The following TTC7B variants were observed in gnomAD, a reference collection of about 807,000 sequenced individuals.
TTC7B encodes the protein tetratricopeptide repeat protein 7B.
A neutral mutation model predicts 106.8 loss-of-function variants in TTC7B; 28 were observed. The ratio of observed to expected loss-of-function variants is 0.26; its 90% CI spans 0.19 to 0.36. The LOEUF (loss-of-function observed/expected upper bound fraction) is 0.36, where lower values mean the gene tolerates loss of function less well. Among genes scored for constraint, TTC7B ranks in the 10% least tolerant of loss-of-function variants. The pLI, the probability that TTC7B is intolerant of heterozygous loss-of-function variation, is 1.00. For missense variants in TTC7B, 862 were observed against 1,076.4 expected, an observed-to-expected ratio of 0.80 and a Z score of 2.79; for synonymous variants, 405 against 430.6, an observed-to-expected ratio of 0.94 and a Z score of 0.74.
At chr14:90,620,220 A>T (rs1383801483) in intron 15 of TTC7B, among the ~76,000 whole-genome samples, 4 of 152,062 alleles carry the variant, frequency 2.6e-5, no homozygotes, top group Non-Finnish European at 5.9e-5. Context: ...TCTGATCTAC[A>T]AGCAGATGAG....
At chr14:90,565,028 G>A (rs552644703) in intron 19 of TTC7B, among the ~76,000 whole-genome samples, 160 of 152,358 alleles carry the variant, frequency 1.1e-3, no homozygotes, top group Non-Finnish European at 1.8e-3. Context: ...GCACTTTTAT[G>A]TTATGAGACA....
Position 90,525,206 on chromosome 14 carries a change from GTTC to G in TTC7B, c.*16159_*16161del, listed in dbSNP as rs1416810029. On this transcript the variant is annotated 3_prime_UTR_variant, in exon 20 of 20. Coordinates refer to ENST00000328459, the MANE Select transcript of TTC7B (RefSeq NM_001010854.2). ...TTCTATAAATGGAATCACACAGCAC[GTTC>G]TTTTTTGACTGGCTCCTTCAACTCG... The G allele has an allele frequency of 6.6e-6, 1 of 151,886 alleles. No individual in the cohort carries two copies. The highest frequency in any genetic ancestry group is 2.4e-5 in the African/African-American group (1 of 41,280). The allele number at this position is 151,886 out of a possible 1,614,324, so 9.4% of individuals were successfully genotyped here.
At chr14:90,816,049 GC>G (rs1338102274) in intron 1 of TTC7B, 125 bp downstream of exon 1, 1 of 963,776 alleles carries the variant, frequency 1.0e-6, no homozygotes, top group Non-Finnish European at 1.2e-6. Context: ...CATCCCCTGG[GC>G]CGCAGCTCCC....
At position 90,531,906 on chromosome 14, in the gene TTC7B, G is replaced by T. The variant is rs1235484008; in HGVS notation, c.*9462C>A. Reference sequence around the variant, plus strand: ...TTTTAAAAACTGCTACATAGGCCAGGCACACTGACTCACACCTGTTATCCC... The same window carrying T: ...TTTTAAAAACTGCTACATAGGCCAGTCACACTGACTCACACCTGTTATCCC... On this transcript the variant is annotated 3_prime_UTR_variant, in exon 20 of 20. Coordinates refer to ENST00000328459, the MANE Select transcript of TTC7B (RefSeq NM_001010854.2). 1 of 152,218 alleles carries T rather than the reference G, an allele frequency of 6.6e-6. No individual in the cohort carries two copies. Among genetic ancestry groups the T allele is most frequent in the Non-Finnish European group, 1.5e-5 (1 of 68,060 alleles). 9.4% of individuals were successfully genotyped at this position (152,218 alleles called of 1,614,324 possible).
chr14:90,771,579 G>A (rs781243979), intron 3 of TTC7B, among the ~76,000 whole-genome samples: 11 of 151,886 alleles, frequency 7.2e-5, no homozygotes, highest in South Asian at 4.1e-4. Flanking sequence ...CAACCTGGGC[G>A]ACAAAGCAAG....
intron 19 of TTC7B, among the ~76,000 whole-genome samples, chr14:90,556,143 G>A (rs1890294512): frequency 6.6e-6 from 1 of 152,250 alleles, no homozygotes; most frequent in Non-Finnish European, 1.5e-5. Flanking sequence ...AGAAAGGAAG[G>A]ACAGGTCCAC....
At position 90,759,328 on chromosome 14, in the gene TTC7B, C is replaced by T. The variant is rs961450683; in HGVS notation, c.446-14406G>A. ...ATGAACACCAGACATGGTTTGGAAACGATGGAAGCCAAGGGATGGGTGGTG... is the reference window on the plus strand; with the variant it reads ...ATGAACACCAGACATGGTTTGGAAATGATGGAAGCCAAGGGATGGGTGGTG... On this transcript the variant is annotated intron_variant, in intron 3 of 19. Transcript: ENST00000328459. The surrounding 1 kb of genome is among the most constrained non-coding windows in gnomAD (Gnocchi z 4.1). 3.9e-5 allele frequency among the ~76,000 whole-genome samples: 6 copies of T among 151,932 alleles called. No homozygotes were observed. Among genetic ancestry groups the T allele is most frequent in the Admixed American group, 2.6e-4 (4 of 15,246 alleles).
chr14:90,671,194 G>A (rs766244227), intron 9 of TTC7B, among the ~76,000 whole-genome samples: 1 of 152,166 alleles, frequency 6.6e-6, no homozygotes, highest in Non-Finnish European at 1.5e-5. Flanking sequence ...GCAAGCAGAC[G>A]TTGTTAGATG....
intron 9 of TTC7B, among the ~76,000 whole-genome samples, chr14:90,659,573 G>C (rs1886101516): frequency 6.6e-6 from 1 of 152,132 alleles, no homozygotes; most frequent in South Asian, 2.1e-4. Context: ...AGGGATCTGG[G>C]TGGGAGGGCA....
At chr14:90,720,001 CATT>C (rs1471891736) in intron 5 of TTC7B, among the ~76,000 whole-genome samples, 2 of 151,042 alleles carry the variant, frequency 1.3e-5, no homozygotes, top group East Asian at 3.9e-4. Flanking sequence ...TTTCTTGAAA[CATT>C]ATGAGATTTA....
intron 17 of TTC7B, among the ~76,000 whole-genome samples, chr14:90,601,849 T>G (rs1892437864): frequency 6.6e-6 from 1 of 152,172 alleles, no homozygotes; most frequent in African/African-American, 2.4e-5. Context: ...ATAGAATAAC[T>G]ATGGAATTTA....
intron 9 of TTC7B, among the ~76,000 whole-genome samples, chr14:90,671,771 G>A (rs773866593): frequency 6.6e-6 from 1 of 152,220 alleles, no homozygotes; most frequent in Non-Finnish European, 1.5e-5. Context: ...TTTGTACAAT[G>A]CTCTTTGGCC....
chr14:90,581,309 C>G (rs1311136602), intron 18 of TTC7B, among the ~76,000 whole-genome samples: 2 of 152,202 alleles, frequency 1.3e-5, no homozygotes, highest in Non-Finnish European at 2.9e-5. Context: ...TCCTGAACTT[C>G]TATACTCACA....
chr14:90,643,238 C>T (rs1885262139), intron 15 of TTC7B, among the ~76,000 whole-genome samples: 1 of 151,940 alleles, frequency 6.6e-6, no homozygotes, highest in Admixed American at 6.6e-5. Flanking sequence ...GAAACCCCGT[C>T]TCTACTAAAA....
At position 90,528,920 on chromosome 14, in the gene TTC7B, A is replaced by G. The variant is rs1889213951; in HGVS notation, c.*12448T>C. On this transcript the variant is annotated 3_prime_UTR_variant, in exon 20 of 20. Coordinates refer to ENST00000328459, the MANE Select transcript of TTC7B (RefSeq NM_001010854.2). ...TACCTGTTTCTGGTGGTGTGACCCA[A>G]CTGTGATTTGTTACCTGTTTCTGAT... The G allele has an allele frequency of 6.5e-6, 1 of 152,708 alleles. No homozygotes were observed. The highest frequency in any genetic ancestry group is 1.4e-5 in the Non-Finnish European group (1 of 69,438). The allele number at this position is 152,708 out of a possible 1,614,324, so 9.5% of individuals were successfully genotyped here.
chr14:90,792,327 A>G (rs1266809802), intron 1 of TTC7B, among the ~76,000 whole-genome samples: 1 of 152,180 alleles, frequency 6.6e-6, no homozygotes, highest in African/African-American at 2.4e-5. Flanking sequence ...CTGTAATCTC[A>G]GCACTTTGGG....
intron 16 of TTC7B, among the ~76,000 whole-genome samples, chr14:90,611,658 T>C (rs1303032079): frequency 6.6e-6 from 1 of 152,116 alleles, no homozygotes; most frequent in Non-Finnish European, 1.5e-5. Flanking sequence ...ACTGCCCATC[T>C]CTACTGAGTC....
intron 18 of TTC7B, among the ~76,000 whole-genome samples, chr14:90,591,934 G>A (rs182632872): frequency 8.5e-5 from 13 of 152,208 alleles, no homozygotes; most frequent in East Asian, 1.9e-4. Context: ...AATGCTGCAG[G>A]CGTCTGCAGC....
At chr14:90,696,841 A>T (rs1181611730) in intron 5 of TTC7B, among the ~76,000 whole-genome samples, 10 of 152,234 alleles carry the variant, frequency 6.6e-5, no homozygotes, top group Admixed American at 5.9e-4. Context: ...GAAACCTAAC[A>T]GAGACGTGAA....
Sources: gnomAD v4.1 joint callset for allele counts (sites outside exome capture counted in the v4.1 genomes callset) on GRCh38, gnomAD v4.1.1 for gene constraint, Gnocchi (gnomAD v3.1) non-coding constraint, MANE v1.5 for transcripts, NCBI Gene and HGNC (gene_info 2026-07-23, HGNC 2026-07-21) for gene names.